NAV2: variants seen among roughly 807,000 people sequenced by gnomAD.
The protein encoded by NAV2 is helicase, APC down-regulated 1.
NAV2 carries 54 observed loss-of-function variants against 223.2 expected under a neutral mutation model. The ratio of observed to expected loss-of-function variants is 0.24; its 90% confidence interval spans 0.19 to 0.30. NAV2 has a LOEUF of 0.30. NAV2 is among the 10% of genes least tolerant of loss of function. The pLI is 1.00. For synonymous variants in NAV2, 1,279 were observed against 1,239.3 expected, an observed-to-expected ratio of 1.03 and a Z score of -0.67; for missense variants, 2,806 against 3,147.5, an observed-to-expected ratio of 0.89 and a Z score of 2.60.
At chr11:19,633,756 G>A (rs964268483) in intron 1 of NAV2, among the ~76,000 whole-genome samples, 2 of 152,202 alleles carry the variant, frequency 1.3e-5, no homozygotes, top group Admixed American at 1.3e-4. Flanking sequence ...TGGAGAAATG[G>A]GGCATGTCTG....
intron 1 of NAV2, among the ~76,000 whole-genome samples, chr11:19,480,978 G>A (rs2042260024): frequency 6.6e-6 from 1 of 152,226 alleles, no homozygotes; most frequent in South Asian, 2.1e-4. Context: ...ATAGAGGGAT[G>A]ATGTTGTGGG....
At chr11:19,445,230 C>G (rs996252645) in intron 1 of NAV2, among the ~76,000 whole-genome samples, 34 of 152,048 alleles carry the variant, frequency 2.2e-4, no homozygotes, top group African/African-American at 8.0e-4. Context: ...AGACAGGGCC[C>G]CCTTTGAATT....
Position 19,554,141 on chromosome 11 carries a change from G to C in NAV2, c.75+203114G>C, listed in dbSNP as rs557413868. 3.3e-5 allele frequency among the ~76,000 whole-genome samples: 5 copies of C among 152,364 alleles called. No individual in the cohort carries two copies. In the East Asian group the frequency reaches 7.7e-4, roughly 24 times the overall value. On this transcript the variant is annotated intron_variant, in intron 1 of 37. Transcript: ENST00000360655. ...GCCAGAGGGAACTAATGCTGGGTTA[G>C]AGTCTTCTAAGGGCCTGAAATCGTG...
chr11:19,976,591 G>A (rs887022977), intron 10 of NAV2, among the ~76,000 whole-genome samples: 4 of 152,216 alleles, frequency 2.6e-5, no homozygotes, highest in African/African-American at 9.6e-5. Context: ...CATCTTTGCA[G>A]TACTCCCCAG....
rs144642336 is a variant in NAV2, at chr11:19,897,886, T to TTTTATATATATATATATATATA, written c.931+5293_931+5294insTTATATATATATATATATATAT. Among the ~76,000 whole-genome samples, 23 of 120,684 alleles carry TTTTATATATATATATATATATA rather than the reference T, an allele frequency of 1.9e-4. 2 individuals are homozygous for TTTTATATATATATATATATATA. Among genetic ancestry groups the TTTTATATATATATATATATATA allele is most frequent in the South Asian group, 1.6e-3 (5 of 3,156 alleles). 79.2% of individuals were successfully genotyped at this position (120,684 alleles called of 152,430 possible). ...GCCACAGCTGTGCCTGACCTGTGAT[T>TTTTATATATATATATATATATA]TATATATATATATATATATGTGAGC... On this transcript the variant is annotated intron_variant, in intron 6 of 37. Transcript: ENST00000349880.
chr11:19,686,321 T>A (rs2049023442), intron 1 of NAV2, among the ~76,000 whole-genome samples: 1 of 152,186 alleles, frequency 6.6e-6, no homozygotes, highest in Non-Finnish European at 1.5e-5. Context: ...CCTCCCAGAC[T>A]GGGAGCTCCA....
chr11:19,503,402 G>A (rs1316081187), intron 1 of NAV2: 3 of 152,124 alleles, frequency 2.0e-5, no homozygotes, highest in Admixed American at 6.5e-5. Flanking sequence ...CACCATTATG[G>A]TATCATACAC....
chr11:19,790,484 T>C lies in NAV2; in HGVS notation c.268-42000T>C, dbSNP rs146979281. ...TATTCTTAGAGATAGGGTAGTACAG[T>C]AAGCACAGAAAGGGCTCAGAGCAAT... On this transcript the variant is annotated intron_variant, in intron 1 of 37. Coordinates refer to ENST00000349880, the MANE Select transcript of NAV2 (RefSeq NM_145117.5). Among the ~76,000 whole-genome samples the C allele has an allele frequency of 2.6e-3, 393 of 152,304 alleles. 1 individual carries two copies. The highest frequency in any genetic ancestry group is 9.1e-3 in the African/African-American group (378 of 41,556).
At chr11:19,413,703 C>T (rs868784498) in intron 1 of NAV2, among the ~76,000 whole-genome samples, 1 of 152,166 alleles carries the variant, frequency 6.6e-6, no homozygotes, top group Admixed American at 6.5e-5. Context: ...TAAAGGGAAG[C>T]CCATCAGACT....
At chr11:19,666,489 C>T (rs924793534) in intron 1 of NAV2, among the ~76,000 whole-genome samples, 3 of 152,076 alleles carry the variant, frequency 2.0e-5, no homozygotes, top group African/African-American at 2.4e-5. Context: ...GGGAGATCTG[C>T]GGTGGTGGCC....
intron 5 of NAV2, among the ~76,000 whole-genome samples, chr11:19,880,857 A>C (rs2153090801): frequency 6.6e-6 from 1 of 152,362 alleles, no homozygotes; most frequent in South Asian, 2.1e-4. Context: ...TAGAAAAAAA[A>C]GGAAGACTTT....
chr11:19,974,330 G>A (rs780351453), intron 10 of NAV2, among the ~76,000 whole-genome samples: 2 of 152,156 alleles, frequency 1.3e-5, no homozygotes, highest in Non-Finnish European at 2.9e-5. Flanking sequence ...TTTTTAAGGT[G>A]GTGGAATTAT....
intron 3 of NAV2, among the ~76,000 whole-genome samples, chr11:19,860,051 CCCAA>C: frequency 4.0e-5 from 5 of 125,508 alleles, no homozygotes; most frequent in African/African-American, 6.2e-5. Flanking sequence ...GCTGACCCCC[CCCAA>C]CTCCCTCCTG....
At chr11:19,877,131 TGACCTTG>T (rs1270380565) in intron 4 of NAV2, among the ~76,000 whole-genome samples, 4 of 152,076 alleles carry the variant, frequency 2.6e-5, no homozygotes, top group Non-Finnish European at 5.9e-5. Flanking sequence ...CCAGTGTTTA[TGACCTTG>T]GACAAGTCAT....
intron 1 of NAV2, among the ~76,000 whole-genome samples, chr11:19,678,064 G>A (rs921217255): frequency 9.2e-5 from 14 of 152,182 alleles, no homozygotes; most frequent in African/African-American, 3.4e-4. Context: ...TCCAGAGGGA[G>A]AGGCTGCGCC....
chr11:19,765,588 T>A (rs2152561247), intron 1 of NAV2, among the ~76,000 whole-genome samples: 1 of 152,254 alleles, frequency 6.6e-6, no homozygotes, highest in African/African-American at 2.4e-5. Flanking sequence ...GGTGGCAGTT[T>A]GCTGACTCTT....
At chr11:20,001,653 A>G (rs2052556469) in intron 11 of NAV2, among the ~76,000 whole-genome samples, 1 of 140,596 alleles carries the variant, frequency 7.1e-6, no homozygotes, top group Non-Finnish European at 1.5e-5. Flanking sequence ...GGAATTGAAC[A>G]ATGAGAACAC....
Position 20,097,738 on chromosome 11 carries a change from T to A in NAV2, c.6174T>A (p.Thr2058=). The A allele has an allele frequency of 2.5e-6, 4 of 1,585,096 alleles. No homozygotes were observed. The highest frequency in any genetic ancestry group is 3.4e-6 in the Non-Finnish European group (4 of 1,168,232). The part of the protein sequence containing the change: ...LVGENTTISV[T]VKGLAENSLD... Reference sequence around the variant, plus strand: ...GAGAGAACACGACCATCTCAGTGACTGTGAAAGGTAATTGAGCTTGTTGCA... The same window carrying A: ...GAGAGAACACGACCATCTCAGTGACAGTGAAAGGTAATTGAGCTTGTTGCA... Residue 2058 remains threonine, a synonymous_variant, in exon 31 of 38, where the codon ACT becomes ACA. Coordinates refer to ENST00000349880, the MANE Select transcript of NAV2 (RefSeq NM_145117.5).
intron 1 of NAV2, among the ~76,000 whole-genome samples, chr11:19,746,326 G>A (rs2053337677): frequency 1.3e-5 from 2 of 152,052 alleles, no homozygotes; most frequent in African/African-American, 4.8e-5. Context: ...TTGCAGCCGT[G>A]GTTCCCAAAT....
Sources: allele counts gnomAD v4.1 joint callset (sites outside exome capture counted in the v4.1 genomes callset), GRCh38; gene constraint gnomAD v4.1.1; transcripts MANE v1.5; gene names NCBI Gene and HGNC (gene_info 2026-07-23, HGNC 2026-07-21).